Variants in NECTIN1 observed in about 807,000 individuals in gnomAD.
The protein encoded by NECTIN1 is nectin cell adhesion molecule 1, also known as nectin-1.
In NECTIN1, 23 loss-of-function variants were observed where a neutral mutation model predicts 48.0. That is an observed-to-expected ratio of 0.48 (90% CI 0.34 to 0.68). The LOEUF (loss-of-function observed/expected upper bound fraction) is 0.68, where lower values mean the gene tolerates loss of function less well. Ranked by LOEUF, NECTIN1 falls within the 30% of genes least tolerant of loss-of-function variation. NECTIN1 has a pLI of 0.01. For missense variants in NECTIN1, 591 were observed against 709.9 expected (o/e 0.83, Z 1.90); for synonymous variants, 270 against 288.9 (o/e 0.93, Z 0.66).
rs1020654316 is a variant in NECTIN1 at position 119,661,211 on chromosome 11, T to G, written c.*3536A>C. 8.1e-6 allele frequency: 8 copies of G among 985,650 alleles called. No individual in the cohort carries two copies. Among genetic ancestry groups the G allele is most frequent in the Non-Finnish European group, 9.6e-6 (8 of 829,922 alleles). 61.1% of individuals were successfully genotyped at this position (985,650 alleles called of 1,614,324 possible). ...ACGCTGGGAGGGGAGGGTGGCAGCT[T>G]CTCCTGGATTCTTTTCATTTATACA... is the stretch of plus-strand genomic sequence containing the variant. On this transcript the variant is annotated 3_prime_UTR_variant, in exon 6 of 6. Transcript: ENST00000264025.
chr11:119,647,954 C>T (rs1273449775), intron 5 of NECTIN1, among the ~76,000 whole-genome samples: 1 of 149,496 alleles, frequency 6.7e-6, no homozygotes, highest in East Asian at 2.0e-4. Context: ...ATCCCAGCTA[C>T]TCAGGAGGCC....
intron 5 of NECTIN1, among the ~76,000 whole-genome samples, chr11:119,646,537 G>GT (rs1565375479): frequency 6.6e-6 from 1 of 152,094 alleles, no homozygotes; most frequent in Non-Finnish European, 1.5e-5. Flanking sequence ...TCAATTATAG[G>GT]TTTCATGTGC....
At chr11:119,670,238 G>C (rs1280541358) in intron 5 of NECTIN1, among the ~76,000 whole-genome samples, 1 of 152,142 alleles carries the variant, frequency 6.6e-6, no homozygotes, top group Non-Finnish European at 1.5e-5. Context: ...GGGATTACAG[G>C]TGTGAGCCAC....
chr11:119,714,216 C>T (rs1322772753), intron 1 of NECTIN1, among the ~76,000 whole-genome samples: 1 of 152,154 alleles, frequency 6.6e-6, no homozygotes, highest in African/African-American at 2.4e-5. Context: ...GCCTGGATGG[C>T]ACTCATGAGC....
chr11:119,648,279 G>A (rs1225193034), intron 5 of NECTIN1, among the ~76,000 whole-genome samples: 2 of 54,064 alleles, frequency 3.7e-5, no homozygotes, highest in African/African-American at 1.5e-4. Context: ...TGGTGGTGAT[G>A]GTGGTGGTGA....
intron 1 of NECTIN1, among the ~76,000 whole-genome samples, chr11:119,714,510 G>T (rs536825865): frequency 6.6e-6 from 1 of 152,108 alleles, no homozygotes; most frequent in African/African-American, 2.4e-5. Context: ...GCAGGCAGGT[G>T]GGGAGCACAG....
chr11:119,725,964 A>G (rs1865901732), intron 1 of NECTIN1, among the ~76,000 whole-genome samples: 1 of 152,218 alleles, frequency 6.6e-6, no homozygotes. Flanking sequence ...TAACAGGAAG[A>G]AACTGTGGAT....
intron 1 of NECTIN1, among the ~76,000 whole-genome samples, chr11:119,725,912 T>A (rs981263799): frequency 1.3e-5 from 2 of 152,164 alleles, no homozygotes; most frequent in African/African-American, 4.8e-5. Context: ...TATCTCTTTT[T>A]GGGATGTAAC....
At chr11:119,719,548 T>C (rs1222674379) in intron 1 of NECTIN1, among the ~76,000 whole-genome samples, 1 of 152,258 alleles carries the variant, frequency 6.6e-6, no homozygotes, top group Non-Finnish European at 1.5e-5. Flanking sequence ...ACCTTCCATA[T>C]GAGTTGTTAT....
In NECTIN1 at chr11:119,672,992, G is replaced by A. The variant is rs1357612266; in HGVS notation, c.1003+2167C>T. On this transcript the variant is annotated intron_variant, in intron 5 of 5. Coordinates refer to ENST00000264025, the MANE Select transcript of NECTIN1 (RefSeq NM_002855.5). The surrounding 1 kb of genome is among the most constrained non-coding windows in gnomAD (Gnocchi z 4.3). Reference sequence around the variant, plus strand: ...TCACTCCTCATTTCCCTTTCCAGATGTGCCCAGGGTAAAGTTATTACCCGA... The same window carrying A: ...TCACTCCTCATTTCCCTTTCCAGATATGCCCAGGGTAAAGTTATTACCCGA... 6.6e-6 allele frequency among the ~76,000 whole-genome samples: 1 copy of A among 152,176 alleles called. No individual in the cohort carries two copies. Among genetic ancestry groups the A allele is most frequent in the Non-Finnish European group, 1.5e-5 (1 of 68,038 alleles).
At chr11:119,725,584 T>C (rs1442153623) in intron 1 of NECTIN1, among the ~76,000 whole-genome samples, 1 of 152,136 alleles carries the variant, frequency 6.6e-6, no homozygotes, top group Non-Finnish European at 1.5e-5. Context: ...CATAATGCCT[T>C]GCCCAGCAAG....
chr11:119,712,053 G>C (rs1865658005), intron 1 of NECTIN1, among the ~76,000 whole-genome samples: 1 of 152,212 alleles, frequency 6.6e-6, no homozygotes, highest in African/African-American at 2.4e-5. Context: ...TTTCATCACA[G>C]AAATGGGAAG....
Position 119,649,392 on chromosome 11 carries a change from G to A in NECTIN1, c.1004-9380C>T, listed in dbSNP as rs1272627942. 4.7e-5 allele frequency among the ~76,000 whole-genome samples: 7 copies of A among 148,948 alleles called. No homozygotes were observed. In the East Asian group the frequency reaches 1.0e-3, roughly 22 times the overall value. On this transcript the variant is annotated intron_variant, in intron 5 of 7. Transcript: ENST00000341398. ...GAGACTCCATCTCAAAAAAAAAAAA[G>A]AAAAAGAAAAAAAGGCTGGGTGCAG...
rs1864987745 is a variant in NECTIN1 at position 119,677,912 on chromosome 11, C to T, written c.431-55G>A. The T allele has an allele frequency of 6.4e-7, 1 of 1,574,788 alleles. No individual in the cohort carries two copies. Among genetic ancestry groups the T allele is most frequent in the Non-Finnish European group, 8.7e-7 (1 of 1,148,892 alleles). ...TAGCCCTGTTGACTTGTCCAAGATG[C>T]ACCGGCCAAAAGGGCGTGGCATCCG... On this transcript the variant is annotated intron_variant, in intron 2 of 5. Transcript: ENST00000264025. This position sits in a 1 kb window ranked among gnomAD's most constrained non-coding sequence, Gnocchi z 5.4.
chr11:119,684,464 C>A lies in NECTIN1; in HGVS notation c.80-5699G>T, dbSNP rs184300577. ...GGGCCTCTGTGAAATCGATATCCTT[C>A]GGGATGCATTTCTAGGGCTTTCCAG... On this transcript the variant is annotated intron_variant, in intron 1 of 5. Transcript: ENST00000264025. The surrounding 1 kb of genome is among the most constrained non-coding windows in gnomAD (Gnocchi z 5.2). Among the ~76,000 whole-genome samples, 176 of 152,346 alleles carry A rather than the reference C, an allele frequency of 1.2e-3. No individual in the cohort carries two copies. Among genetic ancestry groups the A allele is most frequent in the Non-Finnish European group, 1.3e-3 (91 of 68,040 alleles).
chr11:119,662,620 C>T lies in NECTIN1; in HGVS notation c.*2127G>A, dbSNP rs1208511314. 6.1e-6 allele frequency: 6 copies of T among 985,458 alleles called. No individual in the cohort carries two copies. The highest frequency in any genetic ancestry group is 4.7e-5 in the South Asian group (1 of 21,272). 61.0% of individuals were successfully genotyped at this position (985,458 alleles called of 1,614,324 possible). A position where few individuals can be genotyped will look rare whatever the true frequency, so the allele number is the denominator to read the frequency against. On this transcript the variant is annotated 3_prime_UTR_variant, in exon 6 of 6. Coordinates refer to ENST00000264025, the MANE Select transcript of NECTIN1 (RefSeq NM_002855.5). This position sits in a 1 kb window ranked among gnomAD's most constrained non-coding sequence, Gnocchi z 5.3. ...AGGAAATGCCTCTATCAGGCAGGCC[C>T]CTGGGATTGCCTCCTGCCTGGGGGA...
intron 5 of NECTIN1, among the ~76,000 whole-genome samples, chr11:119,645,524 T>A (rs1864386032): frequency 6.6e-6 from 1 of 152,162 alleles, no homozygotes. Context: ...ACACCCTTCA[T>A]GCTCAGGGAC....
chr11:119,654,811 T>C (rs1864545647), intron 5 of NECTIN1, among the ~76,000 whole-genome samples: 1 of 152,104 alleles, frequency 6.6e-6, no homozygotes, highest in South Asian at 2.1e-4. Context: ...CCTTGTGATC[T>C]GCCCACCTTG....
chr11:119,721,016 C>G (rs937908848), intron 1 of NECTIN1, among the ~76,000 whole-genome samples: 8 of 152,216 alleles, frequency 5.3e-5, no homozygotes, highest in Non-Finnish European at 1.2e-4. Context: ...ATTTGCTTTT[C>G]AGACAGAAAG....
Sources: gnomAD v4.1 joint callset for allele counts (sites outside exome capture counted in the v4.1 genomes callset) on GRCh38, gnomAD v4.1.1 for gene constraint, Gnocchi (gnomAD v3.1) non-coding constraint, MANE v1.5 for transcripts, NCBI Gene and HGNC (gene_info 2026-07-23, HGNC 2026-07-21) for gene names.